Variants in KLHL29 observed in about 807,000 individuals in gnomAD.
The protein encoded by KLHL29 is kelch like family member 29.
KLHL29 carries 21 observed loss-of-function variants against 80.4 expected under a neutral mutation model. The observed-to-expected ratio is 0.26, with a 90% CI of 0.19 to 0.38. The LOEUF is 0.38. KLHL29 is among the 10% of genes least tolerant of loss of function. KLHL29 has a pLI of 1.00. For missense variants in KLHL29, 867 were observed against 1,223.9 expected (o/e 0.71, Z 4.35); for synonymous variants, 511 against 526.8 (o/e 0.97, Z 0.41).
intron 8 of KLHL29, 111 bp downstream of exon 8, chr2:23,693,639 TAAGTGGCAG>T: frequency 8.6e-7 from 1 of 1,162,224 alleles, no homozygotes; most frequent in Non-Finnish European, 1.2e-6. Flanking sequence ...CTGCTCTCCC[TAAGTGGCAG>T]AGAGGTGAAG....
At chr2:23,564,795 G>A (rs1473938042) in intron 3 of KLHL29, among the ~76,000 whole-genome samples, 1 of 152,224 alleles carries the variant, frequency 6.6e-6, no homozygotes, top group Non-Finnish European at 1.5e-5. Context: ...CCCTCGGGGA[G>A]CTCACGGCTC....
chr2:23,696,121 A>G lies in KLHL29; in HGVS notation c.1912A>G (p.Ile638Val), dbSNP rs1358301048. The change falls in exon 10 of 14, where the codon ATC (isoleucine) becomes GTC (valine). Residue 638 changes from isoleucine to valine, a missense_variant. Physicochemically the swap from Ile to Val is conservative, Grantham distance 29. Around this residue, in one of 2 missense-constraint regions of KLHL29, gnomAD observed 443 missense variants for 767.0 expected, o/e 0.58. Transcript: ENST00000486442. The surrounding 1 kb of genome is among the most constrained non-coding windows in gnomAD (Gnocchi z 5.5). ...CAGTGTAGTGAGTGCAGGGGACAACATCTACCTCTCAGGTGAGGCCCCCCG... is the reference window on the plus strand; with the variant it reads ...CAGTGTAGTGAGTGCAGGGGACAACGTCTACCTCTCAGGTGAGGCCCCCCG... Reference protein sequence around the residue: ...FFSVVSAGDNIYLSGGMESGV... With the variant: ...FFSVVSAGDNVYLSGGMESGV... 12 of 1,551,434 alleles carry G rather than the reference A, an allele frequency of 7.7e-6. No individual in the cohort carries two copies. Among genetic ancestry groups the G allele is most frequent in the East Asian group, 2.4e-5 (1 of 40,918 alleles).
intron 1 of KLHL29, among the ~76,000 whole-genome samples, chr2:23,424,780 T>TAA (rs1257647894): frequency 6.6e-6 from 1 of 152,266 alleles, no homozygotes; most frequent in African/African-American, 2.4e-5. Context: ...GAAGGACTTA[T>TAA]AAATCTCTCT....
At chr2:23,693,185 A>AAGGATCT in intron 7 of KLHL29, 84 bp from the exon 8 acceptor site, 1 of 1,449,072 alleles carries the variant, frequency 6.9e-7, no homozygotes, top group Non-Finnish European at 9.2e-7. Context: ...GGGTTCAGAG[A>AAGGATCT]AGGATCTAGG....
At position 23,700,799 on chromosome 2, in the gene KLHL29, A is replaced by AGAT. The variant is rs981742982; in HGVS notation, c.2106-2386_2106-2384dup. On this transcript the variant is annotated intron_variant, in intron 11 of 13. Coordinates refer to ENST00000486442, the MANE Select transcript of KLHL29 (RefSeq NM_052920.2). The surrounding 1 kb of genome is among the most constrained non-coding windows in gnomAD (Gnocchi z 4.6). ...TGACTACAGAGCAGTGGCCTGCTGG[A>AGAT]GATTCCATCCTCCATCCTTGAAGCC... Among the ~76,000 whole-genome samples the AGAT allele has an allele frequency of 6.6e-6, 1 of 152,256 alleles. No homozygotes were observed. The highest frequency in any genetic ancestry group is 2.4e-5 in the African/African-American group (1 of 41,554).
chr2:23,414,529 A>G (rs571530691), intron 1 of KLHL29, among the ~76,000 whole-genome samples: 1 of 152,328 alleles, frequency 6.6e-6, no homozygotes, highest in Admixed American at 6.5e-5. Flanking sequence ...GGTGGAAAGC[A>G]TGTCAGCTGA....
intron 2 of KLHL29, among the ~76,000 whole-genome samples, chr2:23,492,870 A>G (rs1572354940): frequency 1.3e-5 from 2 of 152,180 alleles, no homozygotes; most frequent in Admixed American, 6.5e-5. Flanking sequence ...TCCTTACCGT[A>G]GCCTCACGAT....
At chr2:23,705,692 C>T (rs954598860) in intron 13 of KLHL29, among the ~76,000 whole-genome samples, 4 of 152,200 alleles carry the variant, frequency 2.6e-5, no homozygotes, top group East Asian at 1.9e-4. Context: ...ATTTCAGAAA[C>T]GGGTGGAGCC....
At chr2:23,428,464 G>A (rs1663065068) in intron 1 of KLHL29, among the ~76,000 whole-genome samples, 1 of 152,068 alleles carries the variant, frequency 6.6e-6, no homozygotes, top group African/African-American at 2.4e-5. Context: ...GCTGTGATGG[G>A]TGTCCCGGTC....
chr2:23,475,703 G>A (rs1415092016), intron 2 of KLHL29, 36 bp downstream of exon 2: 1 of 166,906 alleles, frequency 6.0e-6, no homozygotes, highest in Non-Finnish European at 1.5e-5. Flanking sequence ...AAATAAGAAA[G>A]GCATCAGACC....
At chr2:23,465,723 T>C (rs1192295289) in intron 1 of KLHL29, among the ~76,000 whole-genome samples, 4 of 152,130 alleles carry the variant, frequency 2.6e-5, no homozygotes, top group Non-Finnish European at 5.9e-5. Context: ...AATGAAGACA[T>C]TTGCCCCTCT....
chr2:23,475,483 CAA>C (rs111621976), intron 1 of KLHL29, 75 bp from the exon 2 acceptor site: 72 of 131,328 alleles, frequency 5.5e-4, no homozygotes, highest in Admixed American at 1.8e-4. Context: ...CATCTTTTTG[CAA>C]AAAAAAAAAA....
intron 2 of KLHL29, among the ~76,000 whole-genome samples, chr2:23,508,698 CTG>C (rs540208534): frequency 7.9e-4 from 120 of 152,364 alleles, no homozygotes; most frequent in African/African-American, 2.6e-3. Flanking sequence ...GATAAAATGC[CTG>C]TGTGTCTGTT....
At chr2:23,476,105 C>T (rs1329041498) in intron 2 of KLHL29, among the ~76,000 whole-genome samples, 3 of 152,016 alleles carry the variant, frequency 2.0e-5, no homozygotes, top group East Asian at 3.9e-4. Flanking sequence ...CAACTCCTGA[C>T]CTCAAGTGAT....
At chr2:23,414,723 C>T (rs983304688) in intron 1 of KLHL29, among the ~76,000 whole-genome samples, 2 of 152,174 alleles carry the variant, frequency 1.3e-5, no homozygotes, top group Non-Finnish European at 2.9e-5. Flanking sequence ...TAGCATAGCC[C>T]CAAATGCCCG....
In KLHL29 at chr2:23,693,391, C is replaced by G. The variant is rs1262260796; in HGVS notation, c.1405C>G (p.Gln469Glu). Residue 469 changes from glutamine to glutamate, a missense_variant, in exon 8 of 14, where the codon CAG (glutamine) becomes GAG (glutamate). Gln to Glu is a conservative substitution (Grantham distance 29). Coordinates refer to ENST00000486442, the MANE Select transcript of KLHL29 (RefSeq NM_052920.2). ...GCAGATCTTCCCCGAGGTGGCCGCC[C>G]AGGAGGAGATCCTCAGCATCTCCAA... ...ALQIFPEVAA[Q>E]EEILSISKDD... 7.0e-5 allele frequency: 109 copies of G among 1,551,644 alleles called. No individual in the cohort carries two copies. Among genetic ancestry groups the G allele is most frequent in the Non-Finnish European group, 9.5e-5 (109 of 1,146,992 alleles).
At chr2:23,505,982 A>G (rs1287480907) in intron 2 of KLHL29, among the ~76,000 whole-genome samples, 1 of 152,148 alleles carries the variant, frequency 6.6e-6, no homozygotes, top group African/African-American at 2.4e-5. Context: ...TAATTAGGTC[A>G]GCCTCCCCCG....
At chr2:23,392,913 A>G (rs938887601) in intron 1 of KLHL29, among the ~76,000 whole-genome samples, 11 of 152,314 alleles carry the variant, frequency 7.2e-5, no homozygotes, top group African/African-American at 2.6e-4. Flanking sequence ...ATCAAGTCTG[A>G]CCAACATGCA....
chr2:23,511,186 G>A (rs867164581), intron 2 of KLHL29, among the ~76,000 whole-genome samples: 4 of 152,244 alleles, frequency 2.6e-5, no homozygotes, highest in South Asian at 2.1e-4. Flanking sequence ...GAGACACTGA[G>A]TCAAAATCTT....
Sources: allele counts gnomAD v4.1 joint callset (sites outside exome capture counted in the v4.1 genomes callset), GRCh38; gene constraint gnomAD v4.1.1; regional missense constraint gnomAD v4.1.1; non-coding constraint Gnocchi (gnomAD v3.1); transcripts MANE v1.5; gene names NCBI Gene and HGNC (gene_info 2026-07-23, HGNC 2026-07-21).